SCFD2: variants seen among roughly 807,000 people sequenced by gnomAD.
The protein encoded by SCFD2 is sec1 family domain containing 2.
SCFD2 carries 54 observed loss-of-function variants against 58.9 expected under a neutral mutation model. The observed-to-expected ratio is 0.92, with a 90% confidence interval of 0.74 to 1.15. The LOEUF (loss-of-function observed/expected upper bound fraction) is 1.15. Among genes scored for constraint, SCFD2 ranks in the 50% most tolerant of loss-of-function variants. The pLI, the probability that SCFD2 is intolerant of heterozygous loss-of-function variation, is 0.00. For missense variants in SCFD2, 805 were observed against 836.6 expected (o/e 0.96, Z 0.47); for synonymous variants, 321 against 335.9 (o/e 0.96, Z 0.49).
intron 4 of SCFD2, among the ~76,000 whole-genome samples, chr4:53,221,115 A>G (rs551069194): frequency 3.9e-5 from 6 of 152,344 alleles, no homozygotes; most frequent in African/African-American, 1.4e-4. Context: ...GCACTGTGCT[A>G]GTGCAGTATA....
At chr4:53,044,396 T>TA (rs1458903004) in intron 5 of SCFD2, among the ~76,000 whole-genome samples, 1 of 152,092 alleles carries the variant, frequency 6.6e-6, no homozygotes, top group Non-Finnish European at 1.5e-5. Flanking sequence ...CCACCTACCA[T>TA]AAAGCTCTTG....
At chr4:53,186,321 A>G (rs1577818644) in intron 4 of SCFD2, among the ~76,000 whole-genome samples, 1 of 152,010 alleles carries the variant, frequency 6.6e-6, no homozygotes, top group Admixed American at 6.6e-5. Flanking sequence ...GGGACTTACC[A>G]TAGTTCCCCC....
chr4:53,337,596 A>G (rs1201823878), intron 2 of SCFD2, among the ~76,000 whole-genome samples: 1 of 152,208 alleles, frequency 6.6e-6, no homozygotes, highest in African/African-American at 2.4e-5. Context: ...AGGAAAGAGA[A>G]GTCACAATAT....
At chr4:53,111,221 G>A (rs1410335508) in intron 5 of SCFD2, among the ~76,000 whole-genome samples, 7 of 151,968 alleles carry the variant, frequency 4.6e-5, no homozygotes, top group African/African-American at 1.5e-4. Context: ...TGCAATAGGA[G>A]AAATACATAA....
intron 4 of SCFD2, among the ~76,000 whole-genome samples, chr4:53,204,871 C>G (rs1404524169): frequency 6.6e-6 from 1 of 151,536 alleles, no homozygotes; most frequent in African/African-American, 2.4e-5. Context: ...ATCTCAAAAG[C>G]AATGCTGGAA....
intron 5 of SCFD2, among the ~76,000 whole-genome samples, chr4:53,119,899 G>T (rs1169787701): frequency 6.6e-6 from 1 of 152,192 alleles, no homozygotes; most frequent in Non-Finnish European, 1.5e-5. Flanking sequence ...AGGGGTGAGA[G>T]AGTGTTGGAT....
At chr4:53,175,845 G>A (rs1183637223) in intron 4 of SCFD2, among the ~76,000 whole-genome samples, 1 of 152,114 alleles carries the variant, frequency 6.6e-6, no homozygotes, top group Non-Finnish European at 1.5e-5. Context: ...AAGGTCCCTG[G>A]TTCTAGCTTT....
At chr4:53,072,337 A>G (rs1407467154) in intron 5 of SCFD2, among the ~76,000 whole-genome samples, 1 of 152,104 alleles carries the variant, frequency 6.6e-6, no homozygotes, top group Non-Finnish European at 1.5e-5. Flanking sequence ...AGCAGCCCCA[A>G]ATTATTTCTT....
chr4:53,318,484 T>C (rs1004645701), intron 2 of SCFD2, among the ~76,000 whole-genome samples: 1 of 152,176 alleles, frequency 6.6e-6, no homozygotes, highest in Non-Finnish European at 1.5e-5. Context: ...GGACTCTACC[T>C]AACCCAATAC....
At chr4:52,994,382 A>G (rs1305054355) in intron 5 of SCFD2, among the ~76,000 whole-genome samples, 2 of 152,206 alleles carry the variant, frequency 1.3e-5, no homozygotes, top group African/African-American at 2.4e-5. Flanking sequence ...ACTGGATTCT[A>G]CTTCTAGCTC....
At chr4:52,975,036 C>T (rs1397794126) in intron 5 of SCFD2, among the ~76,000 whole-genome samples, 1 of 152,224 alleles carries the variant, frequency 6.6e-6, no homozygotes, top group Non-Finnish European at 1.5e-5. Context: ...GAATTAAAGA[C>T]TTAAATGTTA....
intron 4 of SCFD2, 139 bp from the exon 5 acceptor site, chr4:53,145,721 T>C: frequency 1.2e-6 from 1 of 826,736 alleles, no homozygotes; most frequent in East Asian, 2.7e-5. Flanking sequence ...TGTGTGTTTC[T>C]TGTCCTGGAG....
In SCFD2 at chr4:52,974,829, C is replaced by T. The variant is rs560901222; in HGVS notation, c.1562-53959G>A. Among the ~76,000 whole-genome samples the T allele has an allele frequency of 1.4e-4, 22 of 151,776 alleles. No individual in the cohort carries two copies. In the South Asian group the frequency reaches 3.6e-3, roughly 25 times the overall value. On this transcript the variant is annotated intron_variant, in intron 5 of 8. Transcript: ENST00000401642. The stretch of plus-strand genomic sequence containing the variant: ...ACTGGTACCAAAACAGAGATATAGA[C>T]CAATGGAACAGAACAGAGCCCTCAG...
rs543805551 is a variant in SCFD2 at position 53,250,358 on chromosome 4, T to G, written c.1311+23468A>C. ...CTCCCACACAATAATAATGGGAGACTTTAACACCCCACTGTCAACATTAGA... is the reference window on the plus strand; with the variant it reads ...CTCCCACACAATAATAATGGGAGACGTTAACACCCCACTGTCAACATTAGA... On this transcript the variant is annotated intron_variant, in intron 4 of 8. Transcript: ENST00000401642. Among the ~76,000 whole-genome samples the G allele has an allele frequency of 4.6e-5, 7 of 152,232 alleles. No homozygotes were observed. The South Asian group carries it at 8.3e-4, about 18-fold the overall frequency.
At chr4:53,284,781 A>G (rs1222285083) in intron 3 of SCFD2, among the ~76,000 whole-genome samples, 4 of 152,250 alleles carry the variant, frequency 2.6e-5, no homozygotes, top group African/African-American at 7.2e-5. Flanking sequence ...TAAAGGGGGA[A>G]GTGGGATGAA....
intron 5 of SCFD2, among the ~76,000 whole-genome samples, chr4:53,078,503 C>A (rs539057660): frequency 6.6e-6 from 1 of 152,130 alleles, no homozygotes; most frequent in Admixed American, 6.5e-5. Flanking sequence ...CCTTTCTAAA[C>A]AATAGGGGCT....
intron 5 of SCFD2, among the ~76,000 whole-genome samples, chr4:52,992,780 C>T (rs1054986589): frequency 6.6e-6 from 1 of 151,932 alleles, no homozygotes; most frequent in Non-Finnish European, 1.5e-5. Context: ...GTGAAGCCCC[C>T]CCTCCGCCAG....
intron 5 of SCFD2, among the ~76,000 whole-genome samples, chr4:52,930,125 CA>C (rs1719954970): frequency 6.6e-6 from 1 of 152,106 alleles, no homozygotes; most frequent in African/African-American, 2.4e-5. Context: ...CTACAGTAAC[CA>C]AAACAGCATG....
At chr4:53,075,377 T>C (rs1207256324) in intron 5 of SCFD2, among the ~76,000 whole-genome samples, 1 of 152,212 alleles carries the variant, frequency 6.6e-6, no homozygotes, top group Admixed American at 6.5e-5. Context: ...CTGTTTCAGT[T>C]ACTTATTGTT....
Sources: gnomAD v4.1 joint callset for allele counts (sites outside exome capture counted in the v4.1 genomes callset) on GRCh38, gnomAD v4.1.1 for gene constraint, MANE v1.5 for transcripts, NCBI Gene and HGNC (gene_info 2026-07-23, HGNC 2026-07-21) for gene names.